SOX5: variants seen among roughly 807,000 people sequenced by gnomAD.
SOX5 encodes the protein SRY-box transcription factor 5.
In SOX5, 9 loss-of-function variants were observed where a neutral mutation model predicts 92.0. That is an observed-to-expected ratio of 0.10 (90% CI 0.06 to 0.17). The LOEUF is 0.17. SOX5 is among the 10% of genes least tolerant of loss of function. The pLI is 1.00. For missense variants in SOX5, 642 were observed against 944.5 expected, an observed-to-expected ratio of 0.68 and a Z score of 4.20; for synonymous variants, 344 against 336.3, an observed-to-expected ratio of 1.02 and a Z score of -0.25.
intron 6 of SOX5, among the ~76,000 whole-genome samples, chr12:23,704,148 A>G (rs935568562): frequency 2.0e-5 from 3 of 151,778 alleles, no homozygotes; most frequent in Non-Finnish European, 2.9e-5. Flanking sequence ...ACTTCCTCCA[A>G]TGACTCCTCC....
intron 1 of SOX5, among the ~76,000 whole-genome samples, chr12:24,428,761 C>CAAAAAAAAAAAAAAAAAAAAAAAAA: frequency 1.9e-5 from 1 of 52,602 alleles, no homozygotes; most frequent in Non-Finnish European, 4.1e-5. Flanking sequence ...AAAAAAAAAG[C>CAAAAAAAAAAAAAAAAAAAAAAAAA]TAATTTCCTC....
chr12:24,480,165 G>A (rs1033823640), intron 1 of SOX5, among the ~76,000 whole-genome samples: 1 of 152,102 alleles, frequency 6.6e-6, no homozygotes, highest in African/African-American at 2.4e-5. Flanking sequence ...TGGAAAAAAA[G>A]ACAATCACTT....
intron 2 of SOX5, among the ~76,000 whole-genome samples, chr12:24,317,603 T>A (rs1046823633): frequency 2.0e-5 from 3 of 152,178 alleles, no homozygotes; most frequent in Non-Finnish European, 4.4e-5. Context: ...ACTTCCAAAA[T>A]CTCAACTCCC....
At chr12:23,899,353 A>C (rs2097208818) in intron 1 of SOX5, among the ~76,000 whole-genome samples, 1 of 150,958 alleles carries the variant, frequency 6.6e-6, no homozygotes, top group Non-Finnish European at 1.5e-5. Context: ...GTGAGCCGAG[A>C]TCACACCATT....
chr12:23,710,544 T>C (rs193046814), intron 6 of SOX5, among the ~76,000 whole-genome samples: 141 of 152,270 alleles, frequency 9.3e-4, no homozygotes, highest in Admixed American at 2.0e-3. Context: ...TCCAGCTTCA[T>C]CCATGTCCCC....
chr12:24,450,302 T>A (rs1018593786), intron 1 of SOX5, among the ~76,000 whole-genome samples: 4 of 152,126 alleles, frequency 2.6e-5, no homozygotes, highest in African/African-American at 9.7e-5. Flanking sequence ...CTTTGTTGTT[T>A]TCCATTATTT....
At chr12:24,293,086 C>G (rs747668540) in intron 2 of SOX5, among the ~76,000 whole-genome samples, 3 of 152,114 alleles carry the variant, frequency 2.0e-5, no homozygotes, top group Non-Finnish European at 4.4e-5. Flanking sequence ...ACTATAATAA[C>G]AAGAGACTGC....
At chr12:23,936,264 C>T (rs1942540814) in intron 1 of SOX5, among the ~76,000 whole-genome samples, 1 of 150,936 alleles carries the variant, frequency 6.6e-6, no homozygotes, top group Non-Finnish European at 1.5e-5. Flanking sequence ...CCACAAACTT[C>T]TTTAAAACTC....
At chr12:23,868,484 C>T (rs1303759447) in intron 2 of SOX5, among the ~76,000 whole-genome samples, 1 of 152,128 alleles carries the variant, frequency 6.6e-6, no homozygotes. Context: ...AGAAAACCCA[C>T]TCTTACTTTC....
chr12:23,845,966 T>C lies in SOX5; in HGVS notation c.481+17A>G. 6.2e-7 allele frequency: 1 copy of C among 1,604,260 alleles called. No homozygotes were observed. Among genetic ancestry groups the C allele is most frequent in the Non-Finnish European group, 8.5e-7 (1 of 1,171,014 alleles). ...TCAGGACACAGCATCAACTTTGTTT[T>C]CTCTTCCAGCCTTTACCTTCCGGCT... is the stretch of plus-strand genomic sequence containing the variant. On this transcript the variant is annotated intron_variant, in intron 3 of 14. Transcript: ENST00000451604.
chr12:24,073,746 T>C (rs1469211244), intron 4 of SOX5, among the ~76,000 whole-genome samples: 1 of 152,210 alleles, frequency 6.6e-6, no homozygotes, highest in Non-Finnish European at 1.5e-5. Flanking sequence ...ACCTTTTACC[T>C]AGCACAAGTG....
intron 4 of SOX5, among the ~76,000 whole-genome samples, chr12:24,049,656 T>C (rs993006614): frequency 6.9e-6 from 1 of 145,006 alleles, no homozygotes; most frequent in South Asian, 2.2e-4. Context: ...TTTTTTTTTT[T>C]TTTTTTTTTT....
At chr12:24,562,076 C>T (rs1349352325) in intron 1 of SOX5, among the ~76,000 whole-genome samples, 2 of 152,232 alleles carry the variant, frequency 1.3e-5, no homozygotes, top group Non-Finnish European at 2.9e-5. Flanking sequence ...GCCAGCCGCC[C>T]CCGGGGATGA....
chr12:24,228,262 G>C (rs1962539207), intron 3 of SOX5, among the ~76,000 whole-genome samples: 1 of 152,170 alleles, frequency 6.6e-6, no homozygotes, highest in Non-Finnish European at 1.5e-5. Flanking sequence ...TACAGTATAT[G>C]AATGTTTAAT....
chr12:24,544,147 T>C (rs1046185896), intron 1 of SOX5, among the ~76,000 whole-genome samples: 3 of 152,176 alleles, frequency 2.0e-5, no homozygotes, highest in Non-Finnish European at 2.9e-5. Context: ...AGAACATAAT[T>C]GAAATGGATT....
intron 1 of SOX5, among the ~76,000 whole-genome samples, chr12:24,453,152 G>A (rs1942557877): frequency 6.6e-6 from 1 of 152,040 alleles, no homozygotes; most frequent in Non-Finnish European, 1.5e-5. Context: ...CTGCATTTGT[G>A]GTTAAAACTA....
intron 2 of SOX5, among the ~76,000 whole-genome samples, chr12:24,307,744 A>G: frequency 6.4e-5 from 1 of 15,606 alleles, no homozygotes; most frequent in African/African-American, 1.1e-4. Flanking sequence ...GTATTATTGG[A>G]TTCTTCAGGT....
chr12:24,380,751 C>G (rs975223098), intron 1 of SOX5, among the ~76,000 whole-genome samples: 11 of 151,942 alleles, frequency 7.2e-5, no homozygotes, highest in African/African-American at 2.2e-4. Context: ...TAAAGGAGGG[C>G]ACAATGCATA....
intron 4 of SOX5, among the ~76,000 whole-genome samples, chr12:24,041,052 C>CT (rs1247550565): frequency 6.6e-6 from 1 of 152,138 alleles, no homozygotes; most frequent in Non-Finnish European, 1.5e-5. Flanking sequence ...AATATTTTCT[C>CT]TTTACCAATA....
Sources: gnomAD v4.1 joint callset for allele counts (sites outside exome capture counted in the v4.1 genomes callset) on GRCh38, gnomAD v4.1.1 for gene constraint, MANE v1.5 for transcripts, NCBI Gene and HGNC (gene_info 2026-07-23, HGNC 2026-07-21) for gene names.